Variants in TAOK3 observed in about 807,000 individuals in gnomAD.
The protein encoded by TAOK3 is TAO kinase 3.
In TAOK3, 40 loss-of-function variants were observed where a neutral mutation model predicts 120.4. The observed-to-expected ratio is 0.33, with a 90% CI of 0.26 to 0.43. The LOEUF (loss-of-function observed/expected upper bound fraction) is 0.43, where lower values mean the gene tolerates loss of function less well. Among genes scored for constraint, TAOK3 ranks in the 20% least tolerant of loss-of-function variants. TAOK3 has a pLI of 1.00. For synonymous variants in TAOK3, 355 were observed against 387.5 expected (o/e 0.92, Z 0.99); for missense variants, 821 against 1,112.1 (o/e 0.74, Z 3.72).
chr12:118,295,017 G>A (rs2042624360), intron 1 of TAOK3, among the ~76,000 whole-genome samples: 4 of 152,120 alleles, frequency 2.6e-5, no homozygotes, highest in African/African-American at 9.6e-5. Flanking sequence ...GTTCAGAAGT[G>A]AGGTGTAGAC....
In TAOK3 at chr12:118,300,540, G is replaced by C. The variant is rs2042839780; in HGVS notation, c.-193-33781C>G. On this transcript the variant is annotated intron_variant, in intron 1 of 20. Transcript: ENST00000392533. ...AACCCTAAGTGAAAATGAACTCAGGGCAAGTTTTCTAAATAATCTCACTAT... is the reference window on the plus strand; with the variant it reads ...AACCCTAAGTGAAAATGAACTCAGGCCAAGTTTTCTAAATAATCTCACTAT... 2.6e-5 allele frequency among the ~76,000 whole-genome samples: 4 copies of C among 152,136 alleles called. No individual in the cohort carries two copies. The Middle Eastern group carries it at 0.01, about 388-fold the overall frequency.
intron 9 of TAOK3, among the ~76,000 whole-genome samples, chr12:118,222,534 A>G (rs1329683497): frequency 6.7e-6 from 1 of 149,914 alleles, no homozygotes; most frequent in Non-Finnish European, 1.5e-5. Flanking sequence ...TCCCTCTCGA[A>G]AAAAAAAAAA....
intron 11 of TAOK3, among the ~76,000 whole-genome samples, chr12:118,206,892 G>C (rs2038348869): frequency 6.6e-6 from 1 of 151,978 alleles, no homozygotes; most frequent in African/African-American, 2.4e-5. Context: ...ACTGCACCCG[G>C]CCTCCTCATT....
chr12:118,200,850 CT>C, intron 12 of TAOK3: 1 of 153,140 alleles, frequency 6.5e-6, no homozygotes, highest in Non-Finnish European at 1.5e-5. Flanking sequence ...AAAGTGCTCC[CT>C]TTTCCCCATT....
At chr12:118,369,702 G>A (rs927355269) in intron 1 of TAOK3, among the ~76,000 whole-genome samples, 1 of 151,786 alleles carries the variant, frequency 6.6e-6, no homozygotes, top group Non-Finnish European at 1.5e-5. Context: ...TGAGTTAACC[G>A]ACCTTATTTT....
At chr12:118,340,472 A>C (rs999917757) in intron 1 of TAOK3, among the ~76,000 whole-genome samples, 2 of 152,350 alleles carry the variant, frequency 1.3e-5, no homozygotes, top group African/African-American at 4.8e-5. Flanking sequence ...TATGAAAAGA[A>C]AATGGGGTGG....
rs576071926 is a variant in TAOK3 at position 118,230,573 on chromosome 12, G to A, written c.643+3101C>T. Among the ~76,000 whole-genome samples, 16 of 136,742 alleles carry A rather than the reference G, an allele frequency of 1.2e-4. No homozygotes were observed. In the East Asian group the frequency reaches 3.7e-3, roughly 31 times the overall value. 89.7% of individuals were successfully genotyped at this position (136,742 alleles called of 152,430 possible). On this transcript the variant is annotated intron_variant, in intron 9 of 20. Transcript: ENST00000392533. ...AAGCTCTGCCTCCCAGGTTCACACC[G>A]TTCTCCTGCCTCAGCCTCCCGAGTA...
At chr12:118,271,034 ATAGT>A (rs1396798616) in intron 1 of TAOK3, among the ~76,000 whole-genome samples, 2 of 152,114 alleles carry the variant, frequency 1.3e-5, no homozygotes, top group African/African-American at 2.4e-5. Flanking sequence ...TTCAACACAC[ATAGT>A]TAGTATTCTA....
intron 2 of TAOK3, among the ~76,000 whole-genome samples, chr12:118,264,130 T>A (rs1174586242): frequency 1.3e-5 from 2 of 152,366 alleles, no homozygotes; most frequent in African/African-American, 4.8e-5. Flanking sequence ...CATACACTGC[T>A]GGTGGGAATG....
intron 1 of TAOK3, among the ~76,000 whole-genome samples, chr12:118,284,838 T>C (rs957259149): frequency 6.6e-6 from 1 of 152,140 alleles, no homozygotes; most frequent in African/African-American, 2.4e-5. Flanking sequence ...GAAAGCTAAG[T>C]ATAATATTAT....
chr12:118,168,588 T>G (rs191261469), intron 17 of TAOK3, among the ~76,000 whole-genome samples: 3 of 152,166 alleles, frequency 2.0e-5, no homozygotes, highest in Non-Finnish European at 4.4e-5. Flanking sequence ...CTTTTGTAAA[T>G]AAAAAAGCTT....
At position 118,212,746 on chromosome 12, in the gene TAOK3, T is replaced by C. The variant is rs141726088; in HGVS notation, c.819+168A>G. On this transcript the variant is annotated intron_variant, in intron 11 of 20. Transcript: ENST00000392533. ...ACAGGGAATACATAGCACATAACGT[T>C]GCAATAATCTTGCTATTTCTATGCC... Among the ~76,000 whole-genome samples the C allele has an allele frequency of 9.1e-4, 139 of 152,308 alleles. 2 individuals are homozygous for C. The East Asian group carries it at 0.014, about 16-fold the overall frequency.
At chr12:118,181,701 C>T in intron 14 of TAOK3, 94 bp from the exon 15 acceptor site, 1 of 1,029,766 alleles carries the variant, frequency 9.7e-7, no homozygotes, top group Non-Finnish European at 1.5e-6. Flanking sequence ...TAATTTTATC[C>T]ATCACCTTCA....
intron 1 of TAOK3, among the ~76,000 whole-genome samples, chr12:118,292,143 T>C (rs1299233431): frequency 6.6e-6 from 1 of 152,182 alleles, no homozygotes; most frequent in African/African-American, 2.4e-5. Context: ...ATACAATATT[T>C]TTTCCCCGTG....
At chr12:118,255,872 C>A (rs910359783) in intron 2 of TAOK3, 2 of 197,516 alleles carry the variant, frequency 1.0e-5, no homozygotes, top group Non-Finnish European at 2.0e-5. Flanking sequence ...CACCTGAGGT[C>A]GGGAGTTCGA....
chr12:118,350,729 G>A (rs2045104262), intron 1 of TAOK3, among the ~76,000 whole-genome samples: 1 of 151,502 alleles, frequency 6.6e-6, no homozygotes. Context: ...GTATGGTGGT[G>A]GGCACCTGTA....
intron 1 of TAOK3, among the ~76,000 whole-genome samples, chr12:118,293,089 G>A (rs1241131177): frequency 1.3e-5 from 2 of 152,204 alleles, no homozygotes; most frequent in East Asian, 1.9e-4. Context: ...CCTGTTGAAA[G>A]TTGCTTCACA....
chr12:118,159,580 C>T (rs940349093), intron 19 of TAOK3, among the ~76,000 whole-genome samples: 1 of 152,174 alleles, frequency 6.6e-6, no homozygotes, highest in Admixed American at 6.5e-5. Flanking sequence ...GGATTACAGG[C>T]GTGAGCCACC....
chr12:118,262,823 T>A (rs1236949050), intron 2 of TAOK3, among the ~76,000 whole-genome samples: 1 of 121,518 alleles, frequency 8.2e-6, no homozygotes. Context: ...CAAGACTCCG[T>A]CTCAAAAAAA....
Sources: gnomAD v4.1 joint callset for allele counts (sites outside exome capture counted in the v4.1 genomes callset) on GRCh38, gnomAD v4.1.1 for gene constraint, MANE v1.5 for transcripts, NCBI Gene and HGNC (gene_info 2026-07-23, HGNC 2026-07-21) for gene names.